Variants in ZNF536 observed in about 807,000 individuals in gnomAD.
ZNF536 encodes the protein zinc finger protein 536.
Under a neutral mutation model 84.5 loss-of-function variants are expected in ZNF536, and 13 were observed. The ratio of observed to expected loss-of-function variants is 0.15; its 90% CI spans 0.10 to 0.24. The LOEUF (loss-of-function observed/expected upper bound fraction) is 0.24, where lower values mean the gene tolerates loss of function less well. Among genes scored for constraint, ZNF536 ranks in the 10% least tolerant of loss-of-function variants. The pLI, the probability that ZNF536 is intolerant of heterozygous loss-of-function variation, is 1.00. For missense variants in ZNF536, 1,536 were observed against 1,747.5 expected (o/e 0.88, Z 2.16); for synonymous variants, 811 against 742.5 (o/e 1.09, Z -1.50).
In ZNF536 at chr19:30,549,010, C is replaced by T. The variant is rs2146231950; in HGVS notation, c.3391C>T (p.Pro1131Ser). Residue 1131 changes from proline to serine, a missense_variant, in exon 4 of 5, where the codon CCC (proline) becomes TCC (serine). By Grantham distance (74) the Pro-to-Ser change is moderately conservative. Around this residue, in one of 8 missense-constraint regions of ZNF536, gnomAD observed 624 missense variants for 603.1 expected, o/e 1.03. Transcript: ENST00000355537. ...TGGCTCAGGGGCCTCCAGTTCCTGC[C>T]CCAACAAGGAGCCTGATGGAAAGGC... Reference protein sequence around the residue: ...MVGSGASSSCPNKEPDGKAHS... With the variant: ...MVGSGASSSCSNKEPDGKAHS... 1 of 1,614,116 alleles carries T rather than the reference C, an allele frequency of 6.2e-7. No individual in the cohort carries two copies. The highest frequency in any genetic ancestry group is 8.5e-7 in the Non-Finnish European group (1 of 1,180,028).
chr19:30,477,090 A>G (rs773086877), intron 2 of ZNF536, among the ~76,000 whole-genome samples: 16 of 152,212 alleles, frequency 1.1e-4, no homozygotes, highest in Middle Eastern at 3.4e-3. Flanking sequence ...TAACTAGCCT[A>G]TATTTTCTTT....
At chr19:30,577,611 G>T (rs980632013) in intron 1 of ZNF536, among the ~76,000 whole-genome samples, 1 of 152,040 alleles carries the variant, frequency 6.6e-6, no homozygotes. Context: ...AGTTTTATTC[G>T]TGGTATTTTC....
At chr19:30,497,455 G>A (rs541704007) in intron 2 of ZNF536, among the ~76,000 whole-genome samples, 1 of 152,250 alleles carries the variant, frequency 6.6e-6, no homozygotes, top group East Asian at 1.9e-4. Context: ...TAGCACCAAA[G>A]GAGACCTTTG....
chr19:30,273,220 TG>T (rs1334377336), intron 1 of ZNF536, among the ~76,000 whole-genome samples: 3 of 152,114 alleles, frequency 2.0e-5, no homozygotes, highest in Non-Finnish European at 4.4e-5. Context: ...TGTGTGTGTG[TG>T]TGTGTGTGTG....
At chr19:30,599,685 TAAA>T (rs2047613057) in intron 1 of ZNF536, among the ~76,000 whole-genome samples, 1 of 152,000 alleles carries the variant, frequency 6.6e-6, no homozygotes, top group Non-Finnish European at 1.5e-5. Flanking sequence ...TCTAACCGTA[TAAA>T]AAGTGAGAGT....
At chr19:30,680,234 TTTTTA>T (rs10677137) in intron 1 of ZNF536, among the ~76,000 whole-genome samples, 2,338 of 148,118 alleles carry the variant, frequency 0.016, 32 homozygotes, top group African/African-American at 0.029. Context: ...ATGATTATTA[TTTTTA>T]TTTTATTTTA....
At chr19:30,332,661 AT>A (rs2047252359) in intron 2 of ZNF536, among the ~76,000 whole-genome samples, 1 of 152,212 alleles carries the variant, frequency 6.6e-6, no homozygotes, top group Non-Finnish European at 1.5e-5. Flanking sequence ...TATCCAAATT[AT>A]TTAACTACTT....
At chr19:30,337,551 C>T (rs534960165) in intron 2 of ZNF536, among the ~76,000 whole-genome samples, 7 of 152,278 alleles carry the variant, frequency 4.6e-5, no homozygotes, top group Admixed American at 3.3e-4. Flanking sequence ...GTGCCAGTCC[C>T]GTTTCCTCTA....
intron 4 of ZNF536, among the ~76,000 whole-genome samples, chr19:30,551,996 AG>A (rs1214728689): frequency 1.3e-5 from 2 of 151,800 alleles, no homozygotes; most frequent in Non-Finnish European, 2.9e-5. Context: ...CCTTTCTAAA[AG>A]TTACAACCTA....
chr19:30,257,990 C>A (rs2025000692), intron 1 of ZNF536, among the ~76,000 whole-genome samples: 1 of 152,216 alleles, frequency 6.6e-6, no homozygotes, highest in South Asian at 2.1e-4. Context: ...AGAACTAGGG[C>A]AGCAGGACAG....
intron 2 of ZNF536, among the ~76,000 whole-genome samples, chr19:30,511,592 G>A (rs1275718995): frequency 6.6e-6 from 1 of 152,194 alleles, no homozygotes; most frequent in Non-Finnish European, 1.5e-5. Flanking sequence ...TTTCGGGTAT[G>A]AGCTGAAATT....
At chr19:30,617,985 G>A (rs561810775) in intron 1 of ZNF536, among the ~76,000 whole-genome samples, 27 of 152,260 alleles carry the variant, frequency 1.8e-4, no homozygotes, top group African/African-American at 6.3e-4. Context: ...TATTTTAAGC[G>A]AATGGAATTT....
chr19:30,550,316 T>G (rs771959900), intron 4 of ZNF536, among the ~76,000 whole-genome samples: 49 of 152,182 alleles, frequency 3.2e-4, no homozygotes, highest in Non-Finnish European at 6.8e-4. Flanking sequence ...CGAACATCAT[T>G]GTAAGTTTAA....
intron 1 of ZNF536, among the ~76,000 whole-genome samples, chr19:30,398,484 C>T (rs1467576420): frequency 3.3e-5 from 5 of 151,590 alleles, no homozygotes; most frequent in Non-Finnish European, 7.4e-5. Flanking sequence ...TGGTTTGCTG[C>T]ACCCATCAAC....
chr19:30,347,418 G>A (rs995610145), intron 2 of ZNF536, among the ~76,000 whole-genome samples: 8 of 152,290 alleles, frequency 5.3e-5, no homozygotes, highest in South Asian at 2.1e-4. Context: ...CAAGCTTTCC[G>A]CCACAGGGGG....
intron 2 of ZNF536, among the ~76,000 whole-genome samples, chr19:30,469,123 A>G (rs2034619880): frequency 6.6e-6 from 1 of 152,130 alleles, no homozygotes; most frequent in African/African-American, 2.4e-5. Flanking sequence ...TAGACATAAA[A>G]GAAAGGAATG....
intron 1 of ZNF536, among the ~76,000 whole-genome samples, chr19:30,680,001 A>C (rs899553135): frequency 1.9e-4 from 29 of 149,726 alleles, no homozygotes; most frequent in Non-Finnish European, 1.3e-4. Context: ...CCTGGGAAAA[A>C]CCCAGGCCAG....
intron 3 of ZNF536, among the ~76,000 whole-genome samples, chr19:30,366,288 C>T (rs1361955955): frequency 8.5e-5 from 13 of 152,162 alleles, no homozygotes; most frequent in Non-Finnish European, 1.9e-4. Context: ...CATGTTCTTC[C>T]GTGTCAGGCA....
intron 2 of ZNF536, among the ~76,000 whole-genome samples, chr19:30,458,323 T>C (rs1395382945): frequency 6.6e-6 from 1 of 152,200 alleles, no homozygotes; most frequent in East Asian, 1.9e-4. Flanking sequence ...TTCCCCCACC[T>C]TTCTCTCCTC....
Sources: gnomAD v4.1 joint callset for allele counts (sites outside exome capture counted in the v4.1 genomes callset) on GRCh38, gnomAD v4.1.1 for gene constraint, gnomAD v4.1.1 regional missense constraint, MANE v1.5 for transcripts, NCBI Gene and HGNC (gene_info 2026-07-23, HGNC 2026-07-21) for gene names.